ARHGAP29: variants seen among roughly 807,000 people sequenced by gnomAD.
ARHGAP29 encodes the protein Rho GTPase activating protein 29, also known as rho GTPase-activating protein 29.
Under a neutral mutation model 122.6 loss-of-function variants are expected in ARHGAP29, and 43 were observed. The ratio of observed to expected loss-of-function variants is 0.35; its 90% CI spans 0.27 to 0.45. The LOEUF is 0.45. Among genes scored for constraint, ARHGAP29 ranks in the 20% least tolerant of loss-of-function variants. The pLI, the probability that ARHGAP29 is intolerant of heterozygous loss-of-function variation, is 1.00. For missense variants in ARHGAP29, 1,303 were observed against 1,477.2 expected (o/e 0.88, Z 1.93); for synonymous variants, 506 against 497.1 (o/e 1.02, Z -0.24).
chr1:94,204,150 T>C (rs1203823896), intron 7 of ARHGAP29, among the ~76,000 whole-genome samples, 156 bp from the exon 8 acceptor site: 1 of 152,100 alleles, frequency 6.6e-6, no homozygotes, highest in Non-Finnish European at 1.5e-5. Context: ...CTTCCTTTTT[T>C]TTTTTTTTTT....
the ARHGAP29 span, among the ~76,000 whole-genome samples, chr1:94,309,449 C>T: frequency 6.6e-6 from 1 of 152,224 alleles, no homozygotes; most frequent in Non-Finnish European, 1.5e-5. Flanking sequence ...CTCTTCCTCG[C>T]TTATCAGCCC....
chr1:94,237,608 T>C, upstream of ARHGAP29: 7 of 987,512 alleles, frequency 7.1e-6, no homozygotes, highest in Non-Finnish European at 8.4e-6. Flanking sequence ...CCCCTGCAGC[T>C]ACCGCCACGG....
chr1:94,192,825 A>G (rs1650204653), intron 12 of ARHGAP29: 1 of 152,202 alleles, frequency 6.6e-6, no homozygotes, highest in Admixed American at 6.6e-5. Context: ...TGAAAAAAAA[A>G]ATTAATGCTC....
At chr1:94,241,657 A>T (rs567846234), upstream of ARHGAP29, among the ~76,000 whole-genome samples, 2 of 139,462 alleles carry the variant, frequency 1.4e-5, no homozygotes, top group South Asian at 4.4e-4. Flanking sequence ...TATATATCTT[A>T]TATATATAAT....
At chr1:94,208,749 C>T (rs1651381180) in intron 5 of ARHGAP29, 83 bp downstream of exon 5, 3 of 1,385,680 alleles carry the variant, frequency 2.2e-6, no homozygotes, top group Admixed American at 1.7e-5. Context: ...TATGAGCCAC[C>T]ACCCCCGGCC....
At chr1:94,251,522 AT>A (rs1654093243) in intron 1 of ARHGAP29, among the ~76,000 whole-genome samples, 1 of 152,202 alleles carries the variant, frequency 6.6e-6, no homozygotes, top group Non-Finnish European at 1.5e-5. Flanking sequence ...GGAAATTGAC[AT>A]TAACATGAAG....
At chr1:94,311,999 A>G in the ARHGAP29 span, among the ~76,000 whole-genome samples, 1 of 152,208 alleles carries the variant, frequency 6.6e-6, no homozygotes, top group African/African-American at 2.4e-5. Context: ...TGGATTATTC[A>G]GATAAACATA....
chr1:94,193,271 T>TG (rs1242076125), intron 12 of ARHGAP29: 1 of 150,768 alleles, frequency 6.6e-6, no homozygotes, highest in Non-Finnish European at 1.5e-5. Context: ...GAAAAAGCTT[T>TG]GGGGAAAAAA....
chr1:94,301,473 C>T, the ARHGAP29 span, among the ~76,000 whole-genome samples: 1 of 152,154 alleles, frequency 6.6e-6, no homozygotes, highest in Non-Finnish European at 1.5e-5. Flanking sequence ...CTCACAATCT[C>T]CTCATAGCAC....
intron 5 of ARHGAP29, among the ~76,000 whole-genome samples, chr1:94,207,190 G>T (rs1651258754): frequency 6.6e-6 from 1 of 151,690 alleles, no homozygotes; most frequent in Admixed American, 6.6e-5. Context: ...TGTATTTTTA[G>T]TAGAGACTGG....
chr1:94,215,661 A>G (rs1651914609), intron 3 of ARHGAP29, among the ~76,000 whole-genome samples: 1 of 152,194 alleles, frequency 6.6e-6, no homozygotes. Context: ...ATGAAACATC[A>G]GAAGAAAAAA....
At chr1:94,224,544 TC>T (rs1652506833) in intron 2 of ARHGAP29, among the ~76,000 whole-genome samples, 2 of 152,216 alleles carry the variant, frequency 1.3e-5, no homozygotes, top group South Asian at 4.1e-4. Flanking sequence ...CATGCAGAAA[TC>T]CATATATTTC....
rs541094128 is a variant in ARHGAP29, at chr1:94,223,128, T to C, written c.206-2736A>G. On this transcript the variant is annotated intron_variant, in intron 2 of 22. Transcript: ENST00000260526. ...CCAGCTAATTTTTTTGTATTTTTAGTAGAGACGGGGTTTCACTGTGTTAGC... is the reference window on the plus strand; with the variant it reads ...CCAGCTAATTTTTTTGTATTTTTAGCAGAGACGGGGTTTCACTGTGTTAGC... 2.0e-5 allele frequency among the ~76,000 whole-genome samples: 3 copies of C among 152,252 alleles called. No individual in the cohort carries two copies. In the East Asian group the frequency reaches 5.8e-4, roughly 29 times the overall value.
At position 94,168,906 on chromosome 1, in the gene ARHGAP29, A is replaced by G. The variant is rs1557828871; in HGVS notation, c.*4963T>C. Among the ~76,000 whole-genome samples the G allele has an allele frequency of 6.6e-6, 1 of 152,252 alleles. No individual in the cohort carries two copies. Among genetic ancestry groups the G allele is most frequent in the Non-Finnish European group, 1.5e-5 (1 of 68,040 alleles). On this transcript the variant is annotated 3_prime_UTR_variant, in exon 23 of 23. Coordinates refer to ENST00000260526, the MANE Select transcript of ARHGAP29 (RefSeq NM_004815.4). ...CAAATAAAACTTGTAACTCAGAAGC[A>G]TAGCCAATTAGTCGTTTAATCTATT...
At chr1:94,219,377 A>G (rs969732613) in intron 3 of ARHGAP29, among the ~76,000 whole-genome samples, 5 of 152,082 alleles carry the variant, frequency 3.3e-5, no homozygotes, top group African/African-American at 1.2e-4. Flanking sequence ...CTGCACACTC[A>G]GCTGATGTCA....
chr1:94,256,465 A>C (rs1654349716), intron 1 of ARHGAP29, among the ~76,000 whole-genome samples: 3 of 150,014 alleles, frequency 2.0e-5, no homozygotes, highest in African/African-American at 7.4e-5. Flanking sequence ...ATTGTTTAGA[A>C]GATACTTTCT....
At chr1:94,177,394 A>G (rs1231917754) in intron 22 of ARHGAP29, 1 of 396,730 alleles carries the variant, frequency 2.5e-6, no homozygotes, top group African/African-American at 2.1e-5. Flanking sequence ...ATAAACTCCA[A>G]GATGTCTTAT....
intron 1 of ARHGAP29, among the ~76,000 whole-genome samples, chr1:94,248,361 G>A (rs569694387): frequency 6.6e-6 from 1 of 152,318 alleles, no homozygotes; most frequent in Admixed American, 6.5e-5. Flanking sequence ...CACGGTGGAG[G>A]AAGCCGCAAC....
At chr1:94,269,933 C>G (rs1654926875) in intron 1 of ARHGAP29, among the ~76,000 whole-genome samples, 1 of 151,848 alleles carries the variant, frequency 6.6e-6, no homozygotes, top group Non-Finnish European at 1.5e-5. Context: ...TTTCGTAGTC[C>G]CCAGTTATAA....
Sources: gnomAD v4.1 joint callset for allele counts (sites outside exome capture counted in the v4.1 genomes callset) on GRCh38, gnomAD v4.1.1 for gene constraint, MANE v1.5 for transcripts, NCBI Gene and HGNC (gene_info 2026-07-23, HGNC 2026-07-21) for gene names.